Variants in COL5A1 observed in about 807,000 individuals in gnomAD.
COL5A1 encodes collagen alpha-1(V) chain.
COL5A1 carries 16 observed loss-of-function variants against 263.7 expected under a neutral mutation model. That is an observed-to-expected ratio of 0.06 (90% CI 0.04 to 0.09). COL5A1 has a LOEUF of 0.09. Ranked by LOEUF, COL5A1 falls within the 10% of genes least tolerant of loss-of-function variation. The probability of loss-of-function intolerance (pLI) is 1.00; values close to 1 mark genes in which losing one functional copy is unlikely to be tolerated. For synonymous variants in COL5A1, 1,012 were observed against 1,004.5 expected (o/e 1.01, Z -0.14); for missense variants, 2,036 against 2,540.5 (o/e 0.80, Z 4.27).
In COL5A1 at chr9:134,765,608, G is replaced by A; in HGVS notation, c.2035-73G>A. The A allele has an allele frequency of 1.5e-5, 21 of 1,379,646 alleles. No homozygotes were observed. Among genetic ancestry groups the A allele is most frequent in the Non-Finnish European group, 2.2e-5 (21 of 968,102 alleles). 85.5% of individuals were successfully genotyped at this position (1,379,646 alleles called of 1,614,324 possible). On this transcript the variant is annotated intron_variant, in intron 20 of 65. Coordinates refer to ENST00000371817, the MANE Select transcript of COL5A1 (RefSeq NM_000093.5). The surrounding 1 kb of genome is among the most constrained non-coding windows in gnomAD (Gnocchi z 5.1). ...GTTCTGGGTGGAGTCAGGGCCAAGT[G>A]GGCATAGGGGACAGAGAGGAGGGCT... is the stretch of plus-strand genomic sequence containing the variant.
At chr9:134,736,074 G>T (rs1564420952) in intron 9 of COL5A1, among the ~76,000 whole-genome samples, 2 of 151,954 alleles carry the variant, frequency 1.3e-5, no homozygotes, top group Non-Finnish European at 2.9e-5. Flanking sequence ...CTGTGAACTG[G>T]CTGGACATCT....
At chr9:134,786,091 A>T (rs1489057674) in intron 31 of COL5A1, 43 bp downstream of exon 31, 1 of 1,549,078 alleles carries the variant, frequency 6.5e-7, no homozygotes. Context: ...AGGCGGAGGG[A>T]TGTTCTGCCC....
chr9:134,830,332 G>A, intron 64 of COL5A1: 3 of 731,866 alleles, frequency 4.1e-6, no homozygotes, highest in Non-Finnish European at 6.8e-6. Context: ...TAGGTGTGGA[G>A]TCCTCTCCCC....
At chr9:134,782,467 A>G in intron 28 of COL5A1, 200 bp from the exon 29 acceptor site, 1 of 673,468 alleles carries the variant, frequency 1.5e-6, no homozygotes, top group South Asian at 1.7e-5. Context: ...CCAGCTTCAG[A>G]ACGTTACAGC....
chr9:134,837,758 G>A lies in COL5A1; in HGVS notation c.5370+2554G>A, dbSNP rs1416667753. ...CAAGACATTCCACTTTGCCAGTCTC[G>A]GGTGTGCCAAACGCCTCCAGAAACA... On this transcript the variant is annotated intron_variant, in intron 65 of 65. Transcript: ENST00000371817. 3.3e-5 allele frequency among the ~76,000 whole-genome samples: 5 copies of A among 152,086 alleles called. No individual in the cohort carries two copies. The East Asian group carries it at 7.8e-4, about 24-fold the overall frequency.
At chr9:134,788,595 G>A (rs1837554480) in intron 31 of COL5A1, among the ~76,000 whole-genome samples, 1 of 148,740 alleles carries the variant, frequency 6.7e-6, no homozygotes. Context: ...GTGGGTAGGT[G>A]GATAGACAGA....
At chr9:134,690,141 C>A (rs914142855) in intron 1 of COL5A1, among the ~76,000 whole-genome samples, 10 of 152,230 alleles carry the variant, frequency 6.6e-5, no homozygotes, top group African/African-American at 2.4e-4. Context: ...CCCTGAGAGC[C>A]CCTGGATAGA....
Position 134,842,416 on chromosome 9 carries a change from C to A in COL5A1, c.*113C>A. On this transcript the variant is annotated 3_prime_UTR_variant, in exon 66 of 66. Coordinates refer to ENST00000371817, the MANE Select transcript of COL5A1 (RefSeq NM_000093.5). This position sits in a 1 kb window ranked among gnomAD's most constrained non-coding sequence, Gnocchi z 5.8. Reference sequence around the variant, plus strand: ...GACAGTGAAGGCTTCTCCCTCCCCTCCCACCTGACTTCATCTACGCCTCGG... The same window carrying A: ...GACAGTGAAGGCTTCTCCCTCCCCTACCACCTGACTTCATCTACGCCTCGG... 1 of 1,318,952 alleles carries A rather than the reference C, an allele frequency of 7.6e-7. No individual in the cohort carries two copies. The highest frequency in any genetic ancestry group is 1.1e-6 in the Non-Finnish European group (1 of 943,008). 81.7% of individuals were successfully genotyped at this position (1,318,952 alleles called of 1,614,324 possible).
intron 1 of COL5A1, among the ~76,000 whole-genome samples, chr9:134,689,364 G>A (rs546895628): frequency 4.1e-4 from 62 of 152,350 alleles, no homozygotes; most frequent in Non-Finnish European, 6.9e-4. Flanking sequence ...AGGCCAGAGA[G>A]CGGGGAACTG....
chr9:134,810,560 G>A (rs1332218392), intron 44 of COL5A1: 4 of 531,576 alleles, frequency 7.5e-6, no homozygotes, highest in Admixed American at 6.6e-5. Context: ...AATAAATGGA[G>A]TGTTTCTGTC....
intron 1 of COL5A1, among the ~76,000 whole-genome samples, chr9:134,655,733 T>C (rs1240675727): frequency 2.6e-5 from 4 of 152,074 alleles, no homozygotes; most frequent in Non-Finnish European, 5.9e-5. Flanking sequence ...GAGACAGGAA[T>C]GTGTGACCAG....
chr9:134,769,717 G>A (rs34634658), intron 25 of COL5A1, among the ~76,000 whole-genome samples: 1 of 151,986 alleles, frequency 6.6e-6, no homozygotes, highest in Admixed American at 6.6e-5. Flanking sequence ...GTGTGAAGCA[G>A]GCCACACGAG....
chr9:134,769,681 G>A (rs1318221549), intron 25 of COL5A1, among the ~76,000 whole-genome samples: 1 of 152,202 alleles, frequency 6.6e-6, no homozygotes, highest in Non-Finnish European at 1.5e-5. Context: ...TGGGCCCAGA[G>A]CCCTGCGGGG....
intron 62 of COL5A1, among the ~76,000 whole-genome samples, chr9:134,825,560 G>C (rs1427960044): frequency 6.6e-6 from 1 of 152,134 alleles, no homozygotes; most frequent in Admixed American, 6.5e-5. Flanking sequence ...CACGTACCCA[G>C]TTGCTTCATG....
chr9:134,797,883 C>T (rs559713024), intron 36 of COL5A1, among the ~76,000 whole-genome samples: 1 of 152,312 alleles, frequency 6.6e-6, no homozygotes, highest in South Asian at 2.1e-4. Context: ...TGGCAAAAAC[C>T]CCATTTCCAA....
At chr9:134,674,911 A>G (rs1205284164) in intron 1 of COL5A1, among the ~76,000 whole-genome samples, 1 of 152,190 alleles carries the variant, frequency 6.6e-6, no homozygotes, top group African/African-American at 2.4e-5. Context: ...ATTTTACTGC[A>G]TATAAATTAT....
intron 64 of COL5A1, among the ~76,000 whole-genome samples, chr9:134,833,724 G>A (rs1003439566): frequency 3.3e-5 from 5 of 152,188 alleles, no homozygotes; most frequent in South Asian, 2.1e-4. Context: ...CTCACTCCCC[G>A]AGGCCTCGTG....
At chr9:134,830,900 C>T (rs1009373349) in intron 64 of COL5A1, among the ~76,000 whole-genome samples, 3 of 152,178 alleles carry the variant, frequency 2.0e-5, no homozygotes, top group African/African-American at 7.2e-5. Flanking sequence ...TTGATTTGGG[C>T]CCTCTCCTGG....
At chr9:134,771,855 G>A (rs144257494) in intron 25 of COL5A1, among the ~76,000 whole-genome samples, 9 of 152,290 alleles carry the variant, frequency 5.9e-5, no homozygotes, top group East Asian at 3.9e-4. Flanking sequence ...TGGAATCCTC[G>A]TTGGTGGAAC....
Sources: allele counts gnomAD v4.1 joint callset (sites outside exome capture counted in the v4.1 genomes callset), GRCh38; gene constraint gnomAD v4.1.1; non-coding constraint Gnocchi (gnomAD v3.1); transcripts MANE v1.5; gene names NCBI Gene and HGNC (gene_info 2026-07-23, HGNC 2026-07-21).